CTNNA3: variants seen among roughly 807,000 people sequenced by gnomAD.
CTNNA3 encodes the protein catenin alpha-3.
Under a neutral mutation model 95.7 loss-of-function variants are expected in CTNNA3, and 76 were observed. That is an observed-to-expected ratio of 0.79 (90% CI 0.66 to 0.96). The LOEUF (loss-of-function observed/expected upper bound fraction) is 0.96. CTNNA3 is among the 40% of genes least tolerant of loss of function. CTNNA3 has a pLI of 0.00. For synonymous variants in CTNNA3, 431 were observed against 374.4 expected (o/e 1.15, Z -1.74); for missense variants, 1,191 against 1,089.8 (o/e 1.09, Z -1.31).
At chr10:65,927,185 C>A (rs1244675646) in intron 17 of CTNNA3, among the ~76,000 whole-genome samples, 3 of 152,062 alleles carry the variant, frequency 2.0e-5, no homozygotes, top group Admixed American at 6.6e-5. Context: ...TTAGTTAACT[C>A]ACGTATTAAA....
At chr10:66,619,659 A>G (rs1250183989) in intron 10 of CTNNA3, among the ~76,000 whole-genome samples, 1 of 150,248 alleles carries the variant, frequency 6.7e-6, no homozygotes, top group African/African-American at 2.4e-5. Flanking sequence ...ACATTTATAC[A>G]TATGTAACTA....
intron 10 of CTNNA3, among the ~76,000 whole-genome samples, chr10:66,608,547 T>C (rs1844212823): frequency 6.6e-6 from 1 of 151,996 alleles, no homozygotes; most frequent in South Asian, 2.1e-4. Context: ...CTTCAAACTA[T>C]GCTACAGCAC....
intron 5 of CTNNA3, among the ~76,000 whole-genome samples, chr10:67,443,423 G>C (rs969445264): frequency 1.3e-5 from 2 of 149,052 alleles, no homozygotes; most frequent in African/African-American, 2.5e-5. Flanking sequence ...CAGTGTAAAA[G>C]TGTTCCTATT....
chr10:66,297,638 T>C (rs2132217699), intron 12 of CTNNA3, among the ~76,000 whole-genome samples: 1 of 152,294 alleles, frequency 6.6e-6, no homozygotes, highest in African/African-American at 2.4e-5. Context: ...CAGAAAACAC[T>C]ACACAGATAA....
At chr10:66,199,623 G>A (rs1000272241) in intron 13 of CTNNA3, among the ~76,000 whole-genome samples, 19 of 149,998 alleles carry the variant, frequency 1.3e-4, no homozygotes, top group Non-Finnish European at 3.0e-5. Flanking sequence ...TGTTTTTAAG[G>A]CGAAGTCTTG....
At chr10:66,795,303 G>C (rs905652569) in intron 7 of CTNNA3, among the ~76,000 whole-genome samples, 2 of 152,086 alleles carry the variant, frequency 1.3e-5, no homozygotes, top group Non-Finnish European at 2.9e-5. Flanking sequence ...GTTACAGAAT[G>C]GATGTTGTGT....
At chr10:67,379,205 A>G (rs563074394) in intron 5 of CTNNA3, among the ~76,000 whole-genome samples, 2 of 152,292 alleles carry the variant, frequency 1.3e-5, no homozygotes, top group African/African-American at 2.4e-5. Context: ...TTTATTTTTT[A>G]ATACTCATCC....
intron 11 of CTNNA3, among the ~76,000 whole-genome samples, chr10:66,388,383 G>T (rs2092910027): frequency 6.6e-6 from 1 of 152,064 alleles, no homozygotes; most frequent in Non-Finnish European, 1.5e-5. Context: ...AGTGAATTTT[G>T]CAGAGGAGAA....
At chr10:66,375,348 T>C (rs112549249) in intron 12 of CTNNA3, among the ~76,000 whole-genome samples, 3 of 152,110 alleles carry the variant, frequency 2.0e-5, no homozygotes, top group Non-Finnish European at 4.4e-5. Context: ...GAAGAGACTA[T>C]GGCATGGTAG....
At position 66,274,737 on chromosome 10, in the gene CTNNA3, C is replaced by G. The variant is rs114542096; in HGVS notation, c.1884+5733G>C. 1.8e-3 allele frequency among the ~76,000 whole-genome samples: 272 copies of G among 152,118 alleles called. 2 individuals carry two copies. Among genetic ancestry groups the G allele is most frequent in the African/African-American group, 6.4e-3 (266 of 41,498 alleles). On this transcript the variant is annotated intron_variant, in intron 13 of 17. Coordinates refer to ENST00000433211, the MANE Select transcript of CTNNA3 (RefSeq NM_013266.4). The stretch of plus-strand genomic sequence containing the variant: ...TGATGAGTTTTGGCAAACGTATCCT[C>G]CAATGTAACCACCTCAAATGATCGG...
At chr10:66,762,579 T>C (rs1001530965) in intron 9 of CTNNA3, among the ~76,000 whole-genome samples, 2 of 151,750 alleles carry the variant, frequency 1.3e-5, no homozygotes, top group African/African-American at 2.4e-5. Context: ...GTATTATTAG[T>C]ATAGCGGGAC....
chr10:66,917,892 G>T (rs936866772), intron 7 of CTNNA3, among the ~76,000 whole-genome samples: 1 of 152,146 alleles, frequency 6.6e-6, no homozygotes. Flanking sequence ...TAGATGCAAA[G>T]TAAAACATCA....
At chr10:67,600,958 G>C (rs1843065093) in intron 3 of CTNNA3, among the ~76,000 whole-genome samples, 1 of 152,194 alleles carries the variant, frequency 6.6e-6, no homozygotes, top group African/African-American at 2.4e-5. Flanking sequence ...AGTATTTGAA[G>C]TTCAAAAAGA....
intron 11 of CTNNA3, among the ~76,000 whole-genome samples, chr10:66,427,026 T>C (rs1381655027): frequency 6.6e-6 from 1 of 152,052 alleles, no homozygotes; most frequent in African/African-American, 2.4e-5. Flanking sequence ...TTCTTTAAAT[T>C]TTAGCTTTTT....
At chr10:66,950,816 T>C (rs1290987654) in intron 7 of CTNNA3, among the ~76,000 whole-genome samples, 1 of 152,116 alleles carries the variant, frequency 6.6e-6, no homozygotes, top group African/African-American at 2.4e-5. Context: ...GTGAGGGGCA[T>C]AGAGAGAGAT....
At chr10:66,338,300 G>A (rs953035399) in intron 12 of CTNNA3, among the ~76,000 whole-genome samples, 1 of 151,984 alleles carries the variant, frequency 6.6e-6, no homozygotes, top group Non-Finnish European at 1.5e-5. Context: ...CTGGAGGTCG[G>A]AAGGATTAAT....
intron 4 of CTNNA3, among the ~76,000 whole-genome samples, chr10:67,533,879 C>A (rs905700037): frequency 2.0e-5 from 3 of 151,396 alleles, no homozygotes; most frequent in African/African-American, 4.9e-5. Context: ...TATCTGACAT[C>A]TAAAAGGAAA....
Position 65,915,719 on chromosome 10 carries a change from C to T in CTNNA3, c.*4611G>A, listed in dbSNP as rs1428007649. Reference sequence around the variant, plus strand: ...ATTTGGAGACAGCTCTCTCAATTAACATTACTTTCTTTTAGAGTGTCCAGA... The same window carrying T: ...ATTTGGAGACAGCTCTCTCAATTAATATTACTTTCTTTTAGAGTGTCCAGA... On this transcript the variant is annotated 3_prime_UTR_variant, in exon 18 of 18. Coordinates refer to ENST00000433211, the MANE Select transcript of CTNNA3 (RefSeq NM_013266.4). 1 of 152,172 alleles carries T rather than the reference C, an allele frequency of 6.6e-6. No individual in the cohort carries two copies. The highest frequency in any genetic ancestry group is 2.4e-5 in the African/African-American group (1 of 41,438). 9.4% of individuals were successfully genotyped at this position (152,172 alleles called of 1,614,324 possible).
intron 7 of CTNNA3, among the ~76,000 whole-genome samples, chr10:66,898,860 A>T (rs1845607661): frequency 1.3e-5 from 2 of 152,212 alleles, no homozygotes; most frequent in Non-Finnish European, 1.5e-5. Flanking sequence ...AAATTAGATG[A>T]CTGGGACTAC....
Sources: allele counts gnomAD v4.1 joint callset (sites outside exome capture counted in the v4.1 genomes callset), GRCh38; gene constraint gnomAD v4.1.1; transcripts MANE v1.5; gene names NCBI Gene and HGNC (gene_info 2026-07-23, HGNC 2026-07-21).